Variants in MCM3 observed in about 807,000 individuals in gnomAD.
MCM3 encodes DNA replication licensing factor MCM3.
Under a neutral mutation model 91.3 loss-of-function variants are expected in MCM3, and 59 were observed. That is an observed-to-expected ratio of 0.65 (90% confidence interval 0.52 to 0.80). The LOEUF is 0.80. Ranked by LOEUF, MCM3 falls within the 30% of genes least tolerant of loss-of-function variation. The pLI is 0.00. For missense variants in MCM3, 919 were observed against 1,035.4 expected (o/e 0.89, Z 1.54); for synonymous variants, 383 against 379.6 (o/e 1.01, Z -0.10).
chr6:52,266,578 C>A (rs774755103), intron 15 of MCM3, 33 bp downstream of exon 15: 1 of 1,585,636 alleles, frequency 6.3e-7, no homozygotes, highest in South Asian at 1.1e-5. Flanking sequence ...GTCACAGGAA[C>A]AACCTCTTTC....
intron 6 of MCM3, among the ~76,000 whole-genome samples, chr6:52,278,517 T>C (rs1226494678): frequency 6.6e-6 from 1 of 152,180 alleles, no homozygotes; most frequent in Non-Finnish European, 1.5e-5. Context: ...ACTAGGCTCA[T>C]TTAGCAGCCC....
In MCM3 at chr6:52,266,064, T is replaced by A; in HGVS notation, c.2228+11A>T. ...AATTCTTGAAGGGGCAGGAGCAACA[T>A]CCGTACTCACCTGGATTCACTCAAC... On this transcript the variant is annotated intron_variant, in intron 16 of 16. Coordinates refer to ENST00000596288, the MANE Select transcript of MCM3 (RefSeq NM_002388.6). 6.2e-7 allele frequency: 1 copy of A among 1,613,160 alleles called. No individual in the cohort carries two copies.
intron 12 of MCM3, among the ~76,000 whole-genome samples, chr6:52,270,666 C>T (rs1188564966): frequency 1.3e-5 from 2 of 152,120 alleles, no homozygotes; most frequent in Non-Finnish European, 2.9e-5. Flanking sequence ...CTTACAGACC[C>T]CACACTAAGA....
At position 52,264,788 on chromosome 6, in the gene MCM3, T is replaced by C. The variant is rs1170264860; in HGVS notation, c.2229-2A>G. 1 of 1,613,384 alleles carries C rather than the reference T, an allele frequency of 6.2e-7. No individual in the cohort carries two copies. Among genetic ancestry groups the C allele is most frequent in the East Asian group, 2.2e-5 (1 of 44,896 alleles). On this transcript the variant is annotated splice_acceptor_variant, in intron 16 of 16. Transcript: ENST00000596288. LOFTEE classifies it high-confidence loss of function. ...AGGGCCACCTTGAATGCCTTCAACC[T>C]GCCCCAGACAGAAGAAAGGGGGAAG...
chr6:52,266,126 G>T lies in MCM3; in HGVS notation c.2177C>A (p.Ala726Glu). Residue 726 changes from alanine to glutamate, a missense_variant, in exon 16 of 17, where the codon GCA (alanine) becomes GAA (glutamate). Coordinates refer to ENST00000596288, the MANE Select transcript of MCM3 (RefSeq NM_002388.6). Reference sequence around the variant, plus strand: ...GGATTCCTTGGTCTCCTGTGAGTCTGCCGTCTTTGGAGTGTGTACTTCAGA... The same window carrying T: ...GGATTCCTTGGTCTCCTGTGAGTCTTCCGTCTTTGGAGTGTGTACTTCAGA... ...EMPQVHTPKTADSQETKESQK... is the reference protein window; with the variant it reads ...EMPQVHTPKTEDSQETKESQK... 6.2e-7 allele frequency: 1 copy of T among 1,613,974 alleles called. No homozygotes were observed.
At chr6:52,268,507 C>A (rs1341246648) in intron 13 of MCM3, among the ~76,000 whole-genome samples, 1 of 152,140 alleles carries the variant, frequency 6.6e-6, no homozygotes, top group Non-Finnish European at 1.5e-5. Flanking sequence ...CAACTCAACC[C>A]CAAAAGGCTA....
chr6:52,275,412 T>C (rs1010803497), intron 9 of MCM3, among the ~76,000 whole-genome samples: 3 of 152,212 alleles, frequency 2.0e-5, no homozygotes, highest in African/African-American at 7.2e-5. Flanking sequence ...CATTGTGAGG[T>C]AGTTACTGAT....
intron 11 of MCM3, among the ~76,000 whole-genome samples, chr6:52,272,692 G>A (rs1026246875): frequency 2.0e-5 from 3 of 152,172 alleles, no homozygotes; most frequent in Non-Finnish European, 4.4e-5. Context: ...CTATTTTGTA[G>A]GTGGGAAAAC....
chr6:52,277,446 T>G, intron 7 of MCM3, 89 bp downstream of exon 7: 1 of 1,347,272 alleles, frequency 7.4e-7, no homozygotes, highest in South Asian at 1.4e-5. Flanking sequence ...GAAATACTGC[T>G]AAGTACAGAA....
rs374104709 is a variant in MCM3, at chr6:52,271,174, T to A, written c.1827+1127A>T. On this transcript the variant is annotated intron_variant, in intron 12 of 16. Coordinates refer to ENST00000596288, the MANE Select transcript of MCM3 (RefSeq NM_002388.6). ...GCCTGGGTAACACAGCAAGACCGCATCTCAAAAAAAAAGTCCCAGCAGGGA... is the reference window on the plus strand; with the variant it reads ...GCCTGGGTAACACAGCAAGACCGCAACTCAAAAAAAAAGTCCCAGCAGGGA... Among the ~76,000 whole-genome samples the A allele has an allele frequency of 2.3e-3, 351 of 151,074 alleles. 1 individual carries two copies. The highest frequency in any genetic ancestry group is 9.6e-3 in the South Asian group (46 of 4,772).
intron 10 of MCM3, 139 bp from the exon 11 acceptor site, chr6:52,273,495 C>A: frequency 1.1e-6 from 1 of 899,786 alleles, no homozygotes; most frequent in Non-Finnish European, 1.7e-6. Flanking sequence ...ATGGAACCCA[C>A]AAATAAAGAT....
chr6:52,272,206 T>A, intron 12 of MCM3, 95 bp downstream of exon 12: 1 of 1,342,116 alleles, frequency 7.5e-7, no homozygotes, highest in South Asian at 1.7e-5. Context: ...AAAAAGTCAC[T>A]AAGTTAAAAT....
intron 11 of MCM3, 127 bp downstream of exon 11, chr6:52,273,103 C>T (rs570590777): frequency 8.4e-6 from 9 of 1,065,480 alleles, no homozygotes; most frequent in Admixed American, 3.9e-5. Flanking sequence ...AATTAATCCA[C>T]GTGGTTATGA....
At chr6:52,284,535 C>CG in intron 1 of MCM3, 62 bp downstream of exon 1, 1 of 1,496,712 alleles carries the variant, frequency 6.7e-7, no homozygotes, top group Non-Finnish European at 9.0e-7. Flanking sequence ...TCTGGCTTCC[C>CG]GGCCGGGCCG....
chr6:52,272,471 A>T lies in MCM3; in HGVS notation c.1677-20T>A. Reference sequence around the variant, plus strand: ...TTCTCCCTGGAGCCACACACAGTGAATTCCATCTCCCTGCCACACCTTACC... The same window carrying T: ...TTCTCCCTGGAGCCACACACAGTGATTTCCATCTCCCTGCCACACCTTACC... On this transcript the variant is annotated intron_variant, in intron 11 of 16. Coordinates refer to ENST00000596288, the MANE Select transcript of MCM3 (RefSeq NM_002388.6). The T allele has an allele frequency of 1.9e-6, 3 of 1,613,632 alleles. No homozygotes were observed. The highest frequency in any genetic ancestry group is 2.5e-6 in the Non-Finnish European group (3 of 1,179,724).
At position 52,277,213 on chromosome 6, in the gene MCM3, C is replaced by A; in HGVS notation, c.1034-15G>T. The A allele has an allele frequency of 6.2e-7, 1 of 1,609,134 alleles. No individual in the cohort carries two copies. Among genetic ancestry groups the A allele is most frequent in the Middle Eastern group, 2.1e-4 (1 of 4,810 alleles). ...GGATGGGTCTCCTGTAGGGTGGGGGCAGTGATGACTCTCTAGGAAACTCCC... is the reference window on the plus strand; with the variant it reads ...GGATGGGTCTCCTGTAGGGTGGGGGAAGTGATGACTCTCTAGGAAACTCCC... On this transcript the variant is annotated splice_polypyrimidine_tract_variant and intron_variant, in intron 7 of 16. Coordinates refer to ENST00000596288, the MANE Select transcript of MCM3 (RefSeq NM_002388.6).
chr6:52,271,684 C>A (rs1393654549), intron 12 of MCM3, among the ~76,000 whole-genome samples: 1 of 152,134 alleles, frequency 6.6e-6, no homozygotes, highest in African/African-American at 2.4e-5. Flanking sequence ...AAGATTTAGA[C>A]AAATTCATGG....
rs1581724938 is a variant in MCM3 at position 52,274,015 on chromosome 6, C to A, written c.1375-99G>T. ...TGGGAGTGGGAATGAAAGGCTTGAC[C>A]TCAAAGAGCAAAACAGACAAAAAGC... On this transcript the variant is annotated intron_variant, in intron 9 of 16. Transcript: ENST00000596288. 4.5e-6 allele frequency: 4 copies of A among 892,444 alleles called. No homozygotes were observed. The East Asian group carries it at 7.7e-5, about 17-fold the overall frequency. 55.3% of individuals were successfully genotyped at this position (892,444 alleles called of 1,614,324 possible).
intron 9 of MCM3, chr6:52,275,977 C>A: frequency 3.0e-6 from 1 of 333,408 alleles, no homozygotes; most frequent in Non-Finnish European, 5.5e-6. Flanking sequence ...GAAATTCTCC[C>A]GCCACATGCA....
Sources: gnomAD v4.1 joint callset for allele counts (sites outside exome capture counted in the v4.1 genomes callset) on GRCh38, gnomAD v4.1.1 for gene constraint, MANE v1.5 for transcripts, NCBI Gene and HGNC (gene_info 2026-07-23, HGNC 2026-07-21) for gene names.